TRIO: variants seen among roughly 807,000 people sequenced by gnomAD.
The protein encoded by TRIO is triple functional domain protein.
Under a neutral mutation model 351.9 loss-of-function variants are expected in TRIO, and 58 were observed. That is an observed-to-expected ratio of 0.16 (90% CI 0.13 to 0.21). The LOEUF (loss-of-function observed/expected upper bound fraction) is 0.21. Among genes scored for constraint, TRIO ranks in the 10% least tolerant of loss-of-function variants. TRIO has a pLI of 1.00. For missense variants in TRIO, 3,201 were observed against 4,027.8 expected (o/e 0.79, Z 5.56); for synonymous variants, 1,758 against 1,595.7 (o/e 1.10, Z -2.42).
chr5:14,285,561 G>C (rs774278276), intron 3 of TRIO, among the ~76,000 whole-genome samples: 12 of 152,028 alleles, frequency 7.9e-5, no homozygotes, highest in Non-Finnish European at 1.5e-4. Context: ...AGGAGGGCAG[G>C]GTTAGGGGAG....
At chr5:14,433,456 G>C (rs1294669647) in intron 34 of TRIO, among the ~76,000 whole-genome samples, 1 of 152,242 alleles carries the variant, frequency 6.6e-6, no homozygotes, top group Non-Finnish European at 1.5e-5. Flanking sequence ...GAACCTGAGA[G>C]ACTCAATCCT....
intron 1 of TRIO, among the ~76,000 whole-genome samples, chr5:14,228,444 A>C (rs1220019821): frequency 3.3e-5 from 5 of 152,254 alleles, no homozygotes; most frequent in Non-Finnish European, 5.9e-5. Flanking sequence ...AATGTCACAC[A>C]GAAAGTGCAT....
At chr5:14,439,525 A>G (rs764154399) in intron 34 of TRIO, among the ~76,000 whole-genome samples, 9 of 152,262 alleles carry the variant, frequency 5.9e-5, no homozygotes, top group African/African-American at 9.6e-5. Context: ...GACAAAGTCA[A>G]CTTTTTAATA....
intron 34 of TRIO, among the ~76,000 whole-genome samples, chr5:14,451,243 T>G (rs1752828209): frequency 6.6e-6 from 1 of 152,178 alleles, no homozygotes; most frequent in Admixed American, 6.5e-5. Context: ...CCCTGGAAGT[T>G]GCATCCAGAG....
chr5:14,210,181 A>G (rs1402498919), intron 1 of TRIO, among the ~76,000 whole-genome samples: 1 of 152,252 alleles, frequency 6.6e-6, no homozygotes, highest in Non-Finnish European at 1.5e-5. Context: ...TAGATGGTAG[A>G]TGAACGGGGA....
rs57654086 is a variant in TRIO, at chr5:14,312,900, A to T, written c.1501-3613A>T. On this transcript the variant is annotated intron_variant, in intron 8 of 56. Coordinates refer to ENST00000344204, the MANE Select transcript of TRIO (RefSeq NM_007118.4). ...ACAGCAGTCCTCATAAAATTGTAGCATGTTGTTTCCACATAATATTACTGT... is the reference window on the plus strand; with the variant it reads ...ACAGCAGTCCTCATAAAATTGTAGCTTGTTGTTTCCACATAATATTACTGT... 4.3e-3 allele frequency among the ~76,000 whole-genome samples: 653 copies of T among 152,342 alleles called. 2 individuals carry two copies. Among genetic ancestry groups the T allele is most frequent in the African/African-American group, 0.015 (622 of 41,570 alleles).
intron 1 of TRIO, among the ~76,000 whole-genome samples, chr5:14,172,635 A>G (rs189463623): frequency 4.0e-4 from 61 of 152,376 alleles, no homozygotes; most frequent in African/African-American, 1.4e-3. Context: ...GTGGCTATGC[A>G]GTGAAGTGCG....
chr5:14,343,103 AAAAG>A (rs1291063689), intron 11 of TRIO, among the ~76,000 whole-genome samples: 3 of 151,902 alleles, frequency 2.0e-5, no homozygotes, highest in Non-Finnish European at 2.9e-5. Flanking sequence ...AAAAAAAAAA[AAAAG>A]AGAGAGAAAT....
At chr5:14,154,044 C>G (rs1787969907) in intron 1 of TRIO, among the ~76,000 whole-genome samples, 1 of 152,162 alleles carries the variant, frequency 6.6e-6, no homozygotes, top group African/African-American at 2.4e-5. Flanking sequence ...GTAAATAACC[C>G]TAGCAGTCCC....
At chr5:14,145,529 A>G (rs1407974885) in intron 1 of TRIO, among the ~76,000 whole-genome samples, 1 of 150,076 alleles carries the variant, frequency 6.7e-6, no homozygotes, top group Non-Finnish European at 1.5e-5. Context: ...GCGACTGGCC[A>G]GATAGAGCAG....
At chr5:14,155,362 C>T (rs1423885558) in intron 1 of TRIO, among the ~76,000 whole-genome samples, 1 of 152,178 alleles carries the variant, frequency 6.6e-6, no homozygotes, top group African/African-American at 2.4e-5. Flanking sequence ...TGAGGACATG[C>T]TCTTACATAG....
chr5:14,323,932 A>C (rs921249673), intron 9 of TRIO, among the ~76,000 whole-genome samples: 1 of 151,950 alleles, frequency 6.6e-6, no homozygotes, highest in African/African-American at 2.4e-5. Context: ...ATCTACGTGA[A>C]AGTCTTCCTT....
At chr5:14,194,281 G>C (rs1422112831) in intron 1 of TRIO, among the ~76,000 whole-genome samples, 1 of 152,198 alleles carries the variant, frequency 6.6e-6, no homozygotes, top group South Asian at 2.1e-4. Context: ...GCAGGTGGGA[G>C]TAGATTGTTT....
intron 17 of TRIO, 109 bp from the exon 18 acceptor site, chr5:14,369,265 C>T (rs1744867282): frequency 1.4e-6 from 2 of 1,445,326 alleles, no homozygotes; most frequent in Admixed American, 4.6e-5. Context: ...TGGTCTTGAT[C>T]CTCCTGACAG....
At chr5:14,389,775 C>A (rs1579510750) in intron 25 of TRIO, among the ~76,000 whole-genome samples, 1 of 152,144 alleles carries the variant, frequency 6.6e-6, no homozygotes. Context: ...GAGAAAGGAA[C>A]TGAAGAAGCA....
At chr5:14,353,793 C>T (rs1743357711) in intron 11 of TRIO, among the ~76,000 whole-genome samples, 1 of 152,182 alleles carries the variant, frequency 6.6e-6, no homozygotes, top group African/African-American at 2.4e-5. Context: ...AATAGTAACT[C>T]TTAGGCTGTT....
In TRIO at chr5:14,359,556, G is replaced by A. The variant is rs200438805; in HGVS notation, c.2391+25G>A. The A allele has an allele frequency of 5.4e-3, 8,680 of 1,607,652 alleles. 31 individuals carry two copies. The highest frequency in any genetic ancestry group is 6.4e-3 in the Non-Finnish European group (7,535 of 1,175,894). Reference sequence around the variant, plus strand: ...CGTGAGTGTCCCGCGGCTGGCGCCTGCCTGCCTGTGGGAGCCCTTGGCTTC... The same window carrying A: ...CGTGAGTGTCCCGCGGCTGGCGCCTACCTGCCTGTGGGAGCCCTTGGCTTC... On this transcript the variant is annotated intron_variant, in intron 13 of 56. Coordinates refer to ENST00000344204, the MANE Select transcript of TRIO (RefSeq NM_007118.4).
intron 1 of TRIO, among the ~76,000 whole-genome samples, chr5:14,255,677 T>C (rs992337428): frequency 1.3e-5 from 2 of 152,242 alleles, no homozygotes; most frequent in Admixed American, 1.3e-4. Flanking sequence ...AGAATTCATT[T>C]GTGTTTTGTA....
chr5:14,155,865 CCCTT>C, intron 1 of TRIO, among the ~76,000 whole-genome samples: 1 of 152,252 alleles, frequency 6.6e-6, no homozygotes, highest in East Asian at 1.9e-4. Flanking sequence ...CTGTTCCTCT[CCCTT>C]CTTTCATTTG....
Sources: gnomAD v4.1 joint callset for allele counts (sites outside exome capture counted in the v4.1 genomes callset) on GRCh38, gnomAD v4.1.1 for gene constraint, MANE v1.5 for transcripts, NCBI Gene and HGNC (gene_info 2026-07-23, HGNC 2026-07-21) for gene names.